The following PCDHGB4 variants were observed in gnomAD, a reference collection of about 807,000 sequenced individuals.
PCDHGB4 encodes protocadherin gamma-B4.
In PCDHGB4, 38 loss-of-function variants were observed where a neutral mutation model predicts 60.5. That is an observed-to-expected ratio of 0.63 (90% CI 0.48 to 0.82). The LOEUF is 0.82. PCDHGB4 is among the 40% of genes least tolerant of loss of function. The probability of loss-of-function intolerance (pLI) is 0.00; values close to 1 mark genes in which losing one functional copy is unlikely to be tolerated. For synonymous variants in PCDHGB4, 456 were observed against 509.7 expected, an observed-to-expected ratio of 0.89 and a Z score of 1.42; for missense variants, 1,109 against 1,209.6, an observed-to-expected ratio of 0.92 and a Z score of 1.23.
At chr5:141,395,494 T>G in intron 1 of PCDHGB4, 3 of 484,122 alleles carry the variant, frequency 6.2e-6, no homozygotes, top group Middle Eastern at 5.6e-4. Context: ...TTATCACTCA[T>G]TCACTTAAGA....
chr5:141,409,844 C>G (rs1380163040), intron 1 of PCDHGB4: 3 of 1,611,858 alleles, frequency 1.9e-6, no homozygotes, highest in East Asian at 4.5e-5. Flanking sequence ...CAACGTGAGC[C>G]TGCGCGTGTT....
chr5:141,496,276 G>C (rs1189269883), intron 2 of PCDHGB4, among the ~76,000 whole-genome samples: 1 of 152,204 alleles, frequency 6.6e-6, no homozygotes, highest in Admixed American at 6.5e-5. Flanking sequence ...AAGACCTTCA[G>C]TTGGTCTGAG....
At chr5:141,428,164 T>C (rs1221973020) in intron 1 of PCDHGB4, 1 of 1,564,976 alleles carries the variant, frequency 6.4e-7, no homozygotes, top group South Asian at 1.1e-5. Flanking sequence ...TGCTGGTTGC[T>C]GTGCGTGACG....
intron 1 of PCDHGB4, chr5:141,400,004 G>T (rs750835037): frequency 2.5e-6 from 4 of 1,612,420 alleles, no homozygotes; most frequent in East Asian, 2.2e-5. Flanking sequence ...CGCACAGCGC[G>T]TGCCTTGGGC....
chr5:141,420,197 A>C (rs760921171), intron 1 of PCDHGB4: 2 of 1,613,630 alleles, frequency 1.2e-6, no homozygotes, highest in South Asian at 2.2e-5. Context: ...CACACAAGAT[A>C]ACCTCAACAA....
In PCDHGB4 at chr5:141,388,335, C is replaced by A. The variant is rs67622091; in HGVS notation, c.451C>A (p.Arg151=). 0.056 allele frequency: 89,774 copies of A among 1,613,756 alleles called. 3,043 individuals carry two copies. Among genetic ancestry groups the A allele is most frequent in the African/African-American group, 0.15 (10,942 of 74,978 alleles). The stretch of plus-strand genomic sequence containing the variant: ...AAGTGAGTCTGCACAGCCTGGCACA[C>A]GATTTATATTAGGATCTGCCCATGA... ...QISESAQPGT[R]FILGSAHDAD... The change falls in exon 1 of 4, where the codon CGA becomes AGA. Residue 151 remains arginine, a synonymous_variant. Coordinates refer to ENST00000519479, the MANE Select transcript of PCDHGB4 (RefSeq NM_003736.4).
At chr5:141,475,832 T>G in intron 1 of PCDHGB4, 1 of 410,610 alleles carries the variant, frequency 2.4e-6, no homozygotes, top group Non-Finnish European at 4.4e-6. Flanking sequence ...CTAGCGCGTG[T>G]CCTGCTCAGA....
intron 1 of PCDHGB4, chr5:141,399,935 A>G (rs2093920920): frequency 1.9e-6 from 3 of 1,612,300 alleles, no homozygotes; most frequent in Non-Finnish European, 2.5e-6. Context: ...CTGTCCTACC[A>G]CGTGCTGCAG....
Position 141,490,760 on chromosome 5 carries a change from T to G in PCDHGB4, c.2398-4047T>G. 1 of 1,614,070 alleles carries G rather than the reference T, an allele frequency of 6.2e-7. No individual in the cohort carries two copies. On this transcript the variant is annotated intron_variant, in intron 1 of 3. Coordinates refer to ENST00000519479, the MANE Select transcript of PCDHGB4 (RefSeq NM_003736.4). This position sits in a 1 kb window ranked among gnomAD's most constrained non-coding sequence, Gnocchi z 5.4. Reference sequence around the variant, plus strand: ...CAGGGAGCCCCAGCCTCCTCCTTTGTGTATGTCAACCCAGAGGATGGACGG... The same window carrying G: ...CAGGGAGCCCCAGCCTCCTCCTTTGGGTATGTCAACCCAGAGGATGGACGG...
In PCDHGB4 at chr5:141,475,977, A is replaced by G. The variant is rs369460464; in HGVS notation, c.2398-18830A>G. The stretch of plus-strand genomic sequence containing the variant: ...CCCCGGGATGAGGCAGAGACTGAAC[A>G]GCCGGCGAGCAAATCAACGGCATCC... On this transcript the variant is annotated intron_variant, in intron 1 of 3. Transcript: ENST00000519479. The G allele has an allele frequency of 2.2e-5, 21 of 972,826 alleles. No individual in the cohort carries two copies. The South Asian group carries it at 2.8e-4, about 13-fold the overall frequency. 60.3% of individuals were successfully genotyped at this position (972,826 alleles called of 1,614,324 possible).
intron 1 of PCDHGB4, chr5:141,441,702 A>G: frequency 3.2e-6 from 1 of 309,906 alleles, no homozygotes. Context: ...GCGAGCCTTC[A>G]AGCTCACGCT....
intron 1 of PCDHGB4, chr5:141,415,994 C>G: frequency 6.6e-6 from 2 of 303,006 alleles, no homozygotes; most frequent in East Asian, 6.9e-5. Context: ...GTTCTGAAGG[C>G]AGGTCTGGTA....
At chr5:141,500,370 G>C (rs766183384) in intron 2 of PCDHGB4, among the ~76,000 whole-genome samples, 1 of 151,644 alleles carries the variant, frequency 6.6e-6, no homozygotes, top group Non-Finnish European at 1.5e-5. Flanking sequence ...TACCACGCCC[G>C]GCTAATTATT....
At chr5:141,419,762 AAGGACTCG>A (rs1468964539) in intron 1 of PCDHGB4, 2 of 1,614,008 alleles carry the variant, frequency 1.2e-6, no homozygotes, top group South Asian at 2.2e-5. Context: ...TTTGGGTGAC[AAGGACTCG>A]GTCCGCCAGC....
intron 1 of PCDHGB4, among the ~76,000 whole-genome samples, chr5:141,483,525 A>G (rs1442825090): frequency 1.3e-5 from 2 of 152,126 alleles, no homozygotes; most frequent in African/African-American, 4.8e-5. Context: ...ATCCTGACTA[A>G]GGAAGCTGGG....
chr5:141,496,146 G>T (rs749790409), intron 2 of PCDHGB4, among the ~76,000 whole-genome samples: 1 of 151,170 alleles, frequency 6.6e-6, no homozygotes, highest in South Asian at 2.1e-4. Flanking sequence ...GCCTTTGATC[G>T]CAGCTCTCCA....
At position 141,388,109 on chromosome 5, in the gene PCDHGB4, C is replaced by T; in HGVS notation, c.225C>T (p.Phe75=). 2 of 1,404,160 alleles carry T rather than the reference C, an allele frequency of 1.4e-6. No homozygotes were observed. The highest frequency in any genetic ancestry group is 2.0e-6 in the Non-Finnish European group (2 of 1,018,030). 87.0% of individuals were successfully genotyped at this position (1,404,160 alleles called of 1,614,324 possible). ...GCGTCAGTTCGGAGAAGCCTTACTTCACCGTGAGCGCAGAGAGCGGGGAGT... is the reference window on the plus strand; with the variant it reads ...GCGTCAGTTCGGAGAAGCCTTACTTTACCGTGAGCGCAGAGAGCGGGGAGT... ...KLRVSSEKPY[F]TVSAESGELL... is the part of the protein sequence containing the mutation. The change falls in exon 1 of 4, where the codon TTC becomes TTT. Residue 75 remains phenylalanine (F), a synonymous_variant. Transcript: ENST00000519479.
intron 1 of PCDHGB4, chr5:141,403,562 G>A (rs2094421705): frequency 6.2e-7 from 1 of 1,613,980 alleles, no homozygotes; most frequent in Non-Finnish European, 8.5e-7. Context: ...GGACAGGGAG[G>A]AGGCAACTGC....
At chr5:141,468,822 A>C (rs867400152) in intron 1 of PCDHGB4, among the ~76,000 whole-genome samples, 4 of 151,874 alleles carry the variant, frequency 2.6e-5, no homozygotes, top group Middle Eastern at 3.4e-3. Context: ...GCCAAGATCA[A>C]GCCACTGCAC....
Sources: allele counts gnomAD v4.1 joint callset (sites outside exome capture counted in the v4.1 genomes callset), GRCh38; gene constraint gnomAD v4.1.1; non-coding constraint Gnocchi (gnomAD v3.1); transcripts MANE v1.5; gene names NCBI Gene and HGNC (gene_info 2026-07-23, HGNC 2026-07-21).